The following BMPR1B variants were observed in gnomAD, a reference collection of about 807,000 sequenced individuals.
The protein encoded by BMPR1B is bone morphogenetic protein receptor type 1B, also known as bone morphogenetic protein receptor type-1B.
In BMPR1B, 12 loss-of-function variants were observed where a neutral mutation model predicts 59.1. The ratio of observed to expected loss-of-function variants is 0.20; its 90% CI spans 0.13 to 0.33. BMPR1B has a LOEUF of 0.33. BMPR1B is among the 10% of genes least tolerant of loss of function. The probability of loss-of-function intolerance (pLI) is 1.00; values close to 1 mark genes in which losing one functional copy is unlikely to be tolerated. For synonymous variants in BMPR1B, 237 were observed against 207.3 expected (o/e 1.14, Z -1.23); for missense variants, 550 against 610.9 (o/e 0.90, Z 1.05).
At chr4:94,852,501 T>G (rs2148948216) in intron 1 of BMPR1B, among the ~76,000 whole-genome samples, 1 of 152,278 alleles carries the variant, frequency 6.6e-6, no homozygotes, top group East Asian at 1.9e-4. Flanking sequence ...AAGATGTTGC[T>G]TTTTCTAGTT....
chr4:95,074,994 A>C (rs920063195), intron 3 of BMPR1B, among the ~76,000 whole-genome samples: 2 of 152,174 alleles, frequency 1.3e-5, no homozygotes, highest in Non-Finnish European at 2.9e-5. Context: ...AGAAGTAGGC[A>C]CTGACCTGGA....
chr4:94,958,002 T>A (rs1031512769), intron 2 of BMPR1B, among the ~76,000 whole-genome samples: 1 of 152,108 alleles, frequency 6.6e-6, no homozygotes, highest in African/African-American at 2.4e-5. Flanking sequence ...ATATATGGAA[T>A]AAAAGGTAAA....
chr4:94,933,628 T>C (rs1729177614), intron 2 of BMPR1B, among the ~76,000 whole-genome samples: 1 of 152,120 alleles, frequency 6.6e-6, no homozygotes, highest in Non-Finnish European at 1.5e-5. Context: ...ATCACTTTAG[T>C]AAAGGTGTAT....
chr4:94,952,703 G>C (rs954007000), intron 2 of BMPR1B, among the ~76,000 whole-genome samples: 2 of 152,202 alleles, frequency 1.3e-5, no homozygotes, highest in African/African-American at 4.8e-5. Flanking sequence ...TTTAGAGTAA[G>C]TGCTATGTGG....
In BMPR1B at chr4:95,040,739, T is replaced by C. The variant is rs185682199; in HGVS notation, c.-18+44605T>C. Among the ~76,000 whole-genome samples, 396 of 152,248 alleles carry C rather than the reference T, an allele frequency of 2.6e-3. 2 individuals carry two copies. Among genetic ancestry groups the C allele is most frequent in the African/African-American group, 9.3e-3 (388 of 41,558 alleles). On this transcript the variant is annotated intron_variant, in intron 3 of 12. Transcript: ENST00000515059. The stretch of plus-strand genomic sequence containing the variant: ...GTGTGTATCTGTTGTTATCTAAAAA[T>C]CAAACACAAACCCTTTATAAGTAGT...
intron 6 of BMPR1B, among the ~76,000 whole-genome samples, chr4:95,120,259 C>T (rs1332946647): frequency 1.3e-5 from 2 of 152,086 alleles, no homozygotes; most frequent in African/African-American, 4.8e-5. Context: ...TTTGTTTATC[C>T]AACACACCAT....
At chr4:94,987,231 T>C (rs1040591377) in intron 2 of BMPR1B, among the ~76,000 whole-genome samples, 4 of 144,384 alleles carry the variant, frequency 2.8e-5, no homozygotes, top group Non-Finnish European at 4.5e-5. Context: ...ATATATAATA[T>C]ATGTAATATA....
chr4:94,972,500 TTGTA>T (rs1394274312), intron 2 of BMPR1B, among the ~76,000 whole-genome samples: 1 of 152,168 alleles, frequency 6.6e-6, no homozygotes, highest in Non-Finnish European at 1.5e-5. Context: ...TAATATTATA[TTGTA>T]TGTGTTTCTG....
At chr4:95,030,812 A>G (rs1026155983) in intron 3 of BMPR1B, among the ~76,000 whole-genome samples, 1 of 152,216 alleles carries the variant, frequency 6.6e-6, no homozygotes, top group African/African-American at 2.4e-5. Flanking sequence ...CCAACTTAAA[A>G]GGGACGTGAA....
At chr4:95,076,040 T>C (rs1728682500) in intron 3 of BMPR1B, among the ~76,000 whole-genome samples, 2 of 152,150 alleles carry the variant, frequency 1.3e-5, no homozygotes, top group South Asian at 4.1e-4. Context: ...TACTAAAATG[T>C]ACAGAAGACA....
At chr4:95,042,541 T>C (rs1725734974) in intron 3 of BMPR1B, among the ~76,000 whole-genome samples, 1 of 152,228 alleles carries the variant, frequency 6.6e-6, no homozygotes, top group South Asian at 2.1e-4. Context: ...CTTATGTTTA[T>C]GTAAAAATTC....
At chr4:95,095,543 T>C (rs1238399642) in intron 3 of BMPR1B, among the ~76,000 whole-genome samples, 1 of 152,150 alleles carries the variant, frequency 6.6e-6, no homozygotes. Context: ...TTCTTGCCCC[T>C]GCCTGCCCTC....
At chr4:95,053,094 T>C (rs1726628182) in intron 3 of BMPR1B, among the ~76,000 whole-genome samples, 1 of 152,226 alleles carries the variant, frequency 6.6e-6, no homozygotes. Flanking sequence ...GGCCATATGC[T>C]ACAGACAGAA....
rs1231318135 is a variant in BMPR1B at position 95,020,573 on chromosome 4, A to G, written c.-18+24439A>G. Among the ~76,000 whole-genome samples, 15 of 42,488 alleles carry G rather than the reference A, an allele frequency of 3.5e-4. No individual in the cohort carries two copies. The East Asian group carries it at 7.7e-3, about 22-fold the overall frequency. 27.9% of individuals were successfully genotyped at this position (42,488 alleles called of 152,430 possible). A position where few individuals can be genotyped will look rare whatever the true frequency, so the allele number is the denominator to read the frequency against. On this transcript the variant is annotated intron_variant, in intron 3 of 12. Coordinates refer to ENST00000515059, the MANE Select transcript of BMPR1B (RefSeq NM_001203.3). Reference sequence around the variant, plus strand: ...CAGACTGGTGACAGAACAAGACTCCATCTCAAAAAAAAAAAAAAAAAAGAG... The same window carrying G: ...CAGACTGGTGACAGAACAAGACTCCGTCTCAAAAAAAAAAAAAAAAAAGAG...
chr4:94,981,672 G>A (rs540400809), intron 2 of BMPR1B, among the ~76,000 whole-genome samples: 6 of 152,254 alleles, frequency 3.9e-5, no homozygotes, highest in African/African-American at 9.6e-5. Context: ...TGTAACCTAT[G>A]ATTAGGAGAC....
chr4:94,940,548 A>G (rs1729472699), intron 2 of BMPR1B, among the ~76,000 whole-genome samples: 1 of 152,194 alleles, frequency 6.6e-6, no homozygotes, highest in Non-Finnish European at 1.5e-5. Context: ...AACATTGTGA[A>G]CACGTAGTGT....
chr4:94,899,723 A>G (rs1727731861), intron 2 of BMPR1B, among the ~76,000 whole-genome samples: 1 of 151,990 alleles, frequency 6.6e-6, no homozygotes, highest in Non-Finnish European at 1.5e-5. Context: ...TCCTAATTCA[A>G]ATTCATGAAA....
At chr4:94,983,194 T>G in intron 2 of BMPR1B, among the ~76,000 whole-genome samples, 1 of 152,152 alleles carries the variant, frequency 6.6e-6, no homozygotes, top group East Asian at 1.9e-4. Flanking sequence ...TGTCTAAAGC[T>G]TTGTTTTCCC....
intron 2 of BMPR1B, among the ~76,000 whole-genome samples, chr4:94,887,423 A>C (rs1727222745): frequency 6.8e-6 from 1 of 147,916 alleles, no homozygotes; most frequent in Admixed American, 6.7e-5. Context: ...AAAAAAAAAA[A>C]CAAGAAGCAG....
Sources: allele counts gnomAD v4.1 joint callset (sites outside exome capture counted in the v4.1 genomes callset), GRCh38; gene constraint gnomAD v4.1.1; transcripts MANE v1.5; gene names NCBI Gene and HGNC (gene_info 2026-07-23, HGNC 2026-07-21).